POLK: variants seen among roughly 807,000 people sequenced by gnomAD.
POLK encodes the protein polymerase (DNA directed) kappa.
Under a neutral mutation model 94.0 loss-of-function variants are expected in POLK, and 76 were observed. The ratio of observed to expected loss-of-function variants is 0.81; its 90% CI spans 0.67 to 0.98. The LOEUF (loss-of-function observed/expected upper bound fraction) is 0.98. Ranked by LOEUF, POLK falls within the 50% of genes least tolerant of loss-of-function variation. The pLI is 0.00. For missense variants in POLK, 954 were observed against 1,010.1 expected (o/e 0.94, Z 0.75); for synonymous variants, 349 against 325.4 (o/e 1.07, Z -0.78).
intron 10 of POLK, among the ~76,000 whole-genome samples, chr5:75,587,747 C>G (rs1772546388): frequency 6.6e-6 from 1 of 152,104 alleles, no homozygotes; most frequent in South Asian, 2.1e-4. Context: ...ATGGCAAAAC[C>G]CTGACTCTAC....
intron 3 of POLK, among the ~76,000 whole-genome samples, chr5:75,563,598 CTT>C (rs1403570854): frequency 1.3e-5 from 2 of 152,146 alleles, no homozygotes; most frequent in Non-Finnish European, 2.9e-5. Flanking sequence ...TACATTGTGT[CTT>C]TGTTCTCTTA....
chr5:75,572,228 TCTC>T (rs1771633705), intron 4 of POLK, among the ~76,000 whole-genome samples: 1 of 152,226 alleles, frequency 6.6e-6, no homozygotes, highest in Admixed American at 6.5e-5. Flanking sequence ...TAAGCAATAT[TCTC>T]CTTTTTACTC....
At chr5:75,595,248 G>GAAAAACAAAAAAAAAAAAAAAAAAAA (rs1773007027) in intron 12 of POLK, among the ~76,000 whole-genome samples, 1 of 24,880 alleles carries the variant, frequency 4.0e-5, no homozygotes, top group Non-Finnish European at 9.2e-5. Context: ...CTCCACCTCA[G>GAAAAACAAAAAAAAAAAAAAAAAAAA]AAAAAAAAAA....
exon 8 of POLK, chr5:75,583,302 C>G (rs1212650998): frequency 3.1e-6 from 5 of 1,591,532 alleles, no homozygotes; most frequent in Non-Finnish European, 4.3e-6. Context: ...GGCATTGCCC[C>G]AAATACAATG....
chr5:75,557,152 C>G (rs143033544), intron 3 of POLK, among the ~76,000 whole-genome samples: 1 of 152,312 alleles, frequency 6.6e-6, no homozygotes, highest in Non-Finnish European at 1.5e-5. Flanking sequence ...TTATGTGAGT[C>G]TATTTCTGGG....
intron 3 of POLK, among the ~76,000 whole-genome samples, chr5:75,557,112 GCTC>G (rs1770668036): frequency 6.6e-6 from 1 of 152,110 alleles, no homozygotes; most frequent in African/African-American, 2.4e-5. Flanking sequence ...TTGAGTCATT[GCTC>G]CTTTGTCAAA....
chr5:75,559,518 G>T (rs201759283), intron 3 of POLK, among the ~76,000 whole-genome samples: 5,580 of 69,656 alleles, frequency 0.08, 224 homozygotes, highest in South Asian at 0.16. Flanking sequence ...TTTTTGTTTT[G>T]TTTTGTTTTT....
At chr5:75,594,706 T>C (rs1337538717) in intron 12 of POLK, among the ~76,000 whole-genome samples, 1 of 152,224 alleles carries the variant, frequency 6.6e-6, no homozygotes, top group African/African-American at 2.4e-5. Flanking sequence ...AGGTATCACT[T>C]GTTGCTTACA....
intron 3 of POLK, among the ~76,000 whole-genome samples, chr5:75,562,042 A>G (rs1356256071): frequency 2.0e-5 from 3 of 152,152 alleles, no homozygotes; most frequent in Non-Finnish European, 4.4e-5. Flanking sequence ...TAATTCTGTA[A>G]AGAAAGTCAG....
At chr5:75,569,228 G>C in intron 3 of POLK, 112 bp from the exon 4 acceptor site, 1 of 675,454 alleles carries the variant, frequency 1.5e-6, no homozygotes, top group Non-Finnish European at 2.5e-6. Context: ...TGGATGAATG[G>C]GTGTGTGGAC....
chr5:75,570,909 A>T (rs918396954), intron 4 of POLK, among the ~76,000 whole-genome samples: 2 of 152,128 alleles, frequency 1.3e-5, no homozygotes, highest in African/African-American at 4.8e-5. Context: ...GATAAGTCTG[A>T]TTCCAAAACA....
intron 1 of POLK, among the ~76,000 whole-genome samples, chr5:75,520,642 T>C (rs956561351): frequency 2.0e-5 from 3 of 152,204 alleles, no homozygotes; most frequent in African/African-American, 7.2e-5. Context: ...CAGGCAGTCC[T>C]CCTGACTTAG....
At chr5:75,554,541 G>T (rs1274448416) in intron 3 of POLK, among the ~76,000 whole-genome samples, 1 of 151,546 alleles carries the variant, frequency 6.6e-6, no homozygotes, top group African/African-American at 2.4e-5. Flanking sequence ...ACATGTGTAG[G>T]TTTGTTATAT....
At chr5:75,574,177 A>G (rs2112786008) in intron 5 of POLK, among the ~76,000 whole-genome samples, 1 of 152,286 alleles carries the variant, frequency 6.6e-6, no homozygotes, top group Non-Finnish European at 1.5e-5. Flanking sequence ...TTCTTAATGT[A>G]CAATATACAT....
rs189257901 is a variant in POLK at position 75,543,643 on chromosome 5, A to G, written c.-13-3367A>G. ...TGCTATAAACCTGTAAGTCATTGGC[A>G]TGTAGATGATAGTCAACATATGCCT... is the stretch of plus-strand genomic sequence containing the variant. On this transcript the variant is annotated intron_variant, in intron 1 of 14. Coordinates refer to ENST00000241436, the Ensembl canonical transcript of POLK. Among the ~76,000 whole-genome samples the G allele has an allele frequency of 7.9e-4, 121 of 152,334 alleles. 1 individual carries two copies. Among genetic ancestry groups the G allele is most frequent in the Admixed American group, 6.0e-3 (92 of 15,312 alleles).
chr5:75,523,072 T>A (rs1223486522), intron 1 of POLK, among the ~76,000 whole-genome samples: 1 of 152,198 alleles, frequency 6.6e-6, no homozygotes, highest in East Asian at 1.9e-4. Context: ...GGTTAGCTGT[T>A]GTAATTCATT....
chr5:75,577,648 G>A (rs568447057), intron 6 of POLK, among the ~76,000 whole-genome samples: 14 of 152,258 alleles, frequency 9.2e-5, no homozygotes, highest in Non-Finnish European at 1.8e-4. Flanking sequence ...CAACCCACAG[G>A]AACATTTCAT....
chr5:75,563,693 C>T lies in POLK; in HGVS notation c.256-5647C>T, dbSNP rs148372682. Reference sequence around the variant, plus strand: ...TCATGAGCAGGTTGTTCAGTTTCCACGTAGTTGTGCAATTTTGAGTGAGTT... The same window carrying T: ...TCATGAGCAGGTTGTTCAGTTTCCATGTAGTTGTGCAATTTTGAGTGAGTT... On this transcript the variant is annotated intron_variant, in intron 3 of 14. Coordinates refer to ENST00000241436, the Ensembl canonical transcript of POLK. 2.2e-3 allele frequency among the ~76,000 whole-genome samples: 332 copies of T among 152,188 alleles called. 2 individuals carry two copies. In the East Asian group the frequency reaches 0.027, roughly 12 times the overall value.
At chr5:75,514,663 T>C (rs974395055) in intron 1 of POLK, among the ~76,000 whole-genome samples, 1 of 152,220 alleles carries the variant, frequency 6.6e-6, no homozygotes, top group Admixed American at 6.5e-5. Context: ...CCTTAGGCGC[T>C]TGCAATACAT....
Sources: gnomAD v4.1 joint callset for allele counts (sites outside exome capture counted in the v4.1 genomes callset) on GRCh38, gnomAD v4.1.1 for gene constraint, MANE v1.5 for transcripts, NCBI Gene and HGNC (gene_info 2026-07-23, HGNC 2026-07-21) for gene names.